VEZT: variants seen among roughly 807,000 people sequenced by gnomAD.
The protein encoded by VEZT is vezatin.
VEZT carries 39 observed loss-of-function variants against 79.9 expected under a neutral mutation model. That is an observed-to-expected ratio of 0.49 (90% CI 0.38 to 0.64). The LOEUF is 0.64. Among genes scored for constraint, VEZT ranks in the 30% least tolerant of loss-of-function variants. The pLI, the probability that VEZT is intolerant of heterozygous loss-of-function variation, is 0.00. For missense variants in VEZT, 837 were observed against 893.1 expected (o/e 0.94, Z 0.80); for synonymous variants, 325 against 327.6 (o/e 0.99, Z 0.09).
intron 1 of VEZT, chr12:95,231,556 T>C (rs2059277811): frequency 6.6e-6 from 1 of 152,218 alleles, no homozygotes; most frequent in Non-Finnish European, 1.5e-5. Context: ...GTGAGTAGTT[T>C]AATTAGTTGG....
intron 3 of VEZT, among the ~76,000 whole-genome samples, chr12:95,260,366 A>G (rs2064222655): frequency 6.6e-6 from 1 of 152,062 alleles, no homozygotes; most frequent in African/African-American, 2.4e-5. Context: ...TTAGCCTCCC[A>G]AAGTGCTGGG....
chr12:95,239,977 AGAGAG>A (rs1170049959), intron 1 of VEZT, among the ~76,000 whole-genome samples: 8 of 143,916 alleles, frequency 5.6e-5, no homozygotes, highest in South Asian at 2.3e-4. Context: ...AGAGAGAGAG[AGAGAG>A]GAGAGAGAGA....
intron 11 of VEZT, 62 bp from the exon 12 acceptor site, chr12:95,300,103 A>C (rs1002011565): frequency 4.4e-5 from 41 of 933,640 alleles, no homozygotes; most frequent in Non-Finnish European, 5.7e-5. Flanking sequence ...TTGAATTAAA[A>C]GTTTAAATCA....
In VEZT at chr12:95,222,402, A is replaced by T. The variant is rs554172963; in HGVS notation, c.36+4516A>T. On this transcript the variant is annotated intron_variant, in intron 1 of 11. Coordinates refer to ENST00000436874, the MANE Select transcript of VEZT (RefSeq NM_017599.4). ...CCTGGCACCATTTACTGAACAGATC[A>T]TTTTTTCCCCACTGAACTGTAGTGT... is the stretch of plus-strand genomic sequence containing the variant. Among the ~76,000 whole-genome samples the T allele has an allele frequency of 2.0e-3, 305 of 152,192 alleles. 3 individuals are homozygous for T. Among genetic ancestry groups the T allele is most frequent in the African/African-American group, 6.9e-3 (288 of 41,536 alleles).
chr12:95,297,584 T>C (rs1263999174), intron 11 of VEZT, among the ~76,000 whole-genome samples: 1 of 152,202 alleles, frequency 6.6e-6, no homozygotes, highest in Non-Finnish European at 1.5e-5. Flanking sequence ...CTAAGCTATC[T>C]TGCAAACTCT....
In VEZT at chr12:95,251,952, T is replaced by C; in HGVS notation, c.49T>C (p.Tyr17His). The change falls in exon 2 of 12, where the codon TAC (tyrosine) becomes CAC (histidine). Residue 17 changes from tyrosine to histidine, a missense_variant. Coordinates refer to ENST00000436874, the MANE Select transcript of VEZT (RefSeq NM_017599.4). Reference protein sequence around the residue: ...EEVVFENSPLYQYLQDLGHTD... With the variant: ...EEVVFENSPLHQYLQDLGHTD... ...GTGTCTTTTTCAGAATTCTCCACTT[T>C]ACCAATACTTACAGGATCTGGGACA... 6 of 1,603,750 alleles carry C rather than the reference T, an allele frequency of 3.7e-6. No individual in the cohort carries two copies. The highest frequency in any genetic ancestry group is 5.1e-6 in the Non-Finnish European group (6 of 1,176,846).
chr12:95,228,771 C>T (rs1257395862), intron 1 of VEZT, among the ~76,000 whole-genome samples: 1 of 152,068 alleles, frequency 6.6e-6, no homozygotes, highest in Non-Finnish European at 1.5e-5. Flanking sequence ...TAGGAGGCTG[C>T]GGTTAGAAGA....
At chr12:95,241,777 A>G (rs561372240) in intron 1 of VEZT, among the ~76,000 whole-genome samples, 2 of 152,364 alleles carry the variant, frequency 1.3e-5, no homozygotes, top group South Asian at 4.1e-4. Context: ...ATTTTAAAAC[A>G]TGGCTCAGAA....
At chr12:95,272,920 T>C (rs2066914190) in intron 6 of VEZT, among the ~76,000 whole-genome samples, 1 of 152,124 alleles carries the variant, frequency 6.6e-6, no homozygotes. Flanking sequence ...GCTAATTTTT[T>C]TGCATTTTGT....
At chr12:95,254,687 G>T (rs963864574) in intron 2 of VEZT, among the ~76,000 whole-genome samples, 1 of 152,100 alleles carries the variant, frequency 6.6e-6, no homozygotes, top group Non-Finnish European at 1.5e-5. Context: ...TAGAAAACTT[G>T]TTGTATTGTT....
intron 6 of VEZT, among the ~76,000 whole-genome samples, chr12:95,274,084 A>G (rs1007804653): frequency 6.6e-6 from 1 of 152,204 alleles, no homozygotes; most frequent in Non-Finnish European, 1.5e-5. Context: ...ACGCAGACTG[A>G]GAGGAAAAGA....
At chr12:95,254,292 A>G (rs993833497) in intron 2 of VEZT, among the ~76,000 whole-genome samples, 1 of 151,356 alleles carries the variant, frequency 6.6e-6, no homozygotes, top group Non-Finnish European at 1.5e-5. Context: ...GCACATTTCT[A>G]AGACAAGTTT....
At chr12:95,245,879 T>C (rs985089853) in intron 1 of VEZT, among the ~76,000 whole-genome samples, 1 of 152,190 alleles carries the variant, frequency 6.6e-6, no homozygotes, top group African/African-American at 2.4e-5. Context: ...ACTCAGAGGC[T>C]GAGGTGGGAA....
chr12:95,296,639 G>A (rs1383947042), intron 11 of VEZT: 1 of 155,754 alleles, frequency 6.4e-6, no homozygotes, highest in Non-Finnish European at 1.4e-5. Flanking sequence ...TAATAACTGT[G>A]CTCACATTGA....
intron 11 of VEZT, 199 bp downstream of exon 11, chr12:95,296,457 C>T: frequency 2.5e-6 from 1 of 397,682 alleles, no homozygotes; most frequent in East Asian, 4.0e-5. Flanking sequence ...AATATGAAGT[C>T]ATACTTTTTT....
At chr12:95,276,224 A>AT (rs1212171899) in intron 7 of VEZT, among the ~76,000 whole-genome samples, 2 of 132,802 alleles carry the variant, frequency 1.5e-5, no homozygotes, top group Middle Eastern at 4.1e-3. Flanking sequence ...TTGGAAACAA[A>AT]TTTTTTTTGT....
Position 95,234,650 on chromosome 12 carries a change from TG to T in VEZT, c.36+16765del, listed in dbSNP as rs375115721. 4.2e-4 allele frequency among the ~76,000 whole-genome samples: 64 copies of T among 152,220 alleles called. 1 individual carries two copies. The East Asian group carries it at 0.012, about 28-fold the overall frequency. The stretch of plus-strand genomic sequence containing the variant: ...ATTAAGCTAGTTTTGAAAGTAGTTT[TG>T]TTTTTTTTGTTTTTTATTTATTTAT... On this transcript the variant is annotated intron_variant, in intron 1 of 11. Transcript: ENST00000436874.
At chr12:95,271,892 A>T (rs1312401954) in intron 6 of VEZT, among the ~76,000 whole-genome samples, 3 of 152,204 alleles carry the variant, frequency 2.0e-5, no homozygotes, top group Non-Finnish European at 4.4e-5. Flanking sequence ...TAATCAATAA[A>T]ATATGGGCTT....
chr12:95,297,153 C>G (rs1046444322), intron 11 of VEZT, among the ~76,000 whole-genome samples: 1 of 152,038 alleles, frequency 6.6e-6, no homozygotes, highest in Non-Finnish European at 1.5e-5. Flanking sequence ...TGTTTCTCAC[C>G]CTTCTTTTCT....
Sources: allele counts gnomAD v4.1 joint callset (sites outside exome capture counted in the v4.1 genomes callset), GRCh38; gene constraint gnomAD v4.1.1; transcripts MANE v1.5; gene names NCBI Gene and HGNC (gene_info 2026-07-23, HGNC 2026-07-21).